The following USP37 variants were observed in gnomAD, a reference collection of about 807,000 sequenced individuals.
The protein encoded by USP37 is ubiquitin carboxyl-terminal hydrolase 37.
A neutral mutation model predicts 124.0 loss-of-function variants in USP37; 27 were observed. The ratio of observed to expected loss-of-function variants is 0.22; its 90% confidence interval spans 0.16 to 0.30. The LOEUF (loss-of-function observed/expected upper bound fraction) is 0.30. Among genes scored for constraint, USP37 ranks in the 10% least tolerant of loss-of-function variants. The probability of loss-of-function intolerance (pLI) is 1.00; values close to 1 mark genes in which losing one functional copy is unlikely to be tolerated. For missense variants in USP37, 889 were observed against 1,140.4 expected, an observed-to-expected ratio of 0.78 and a Z score of 3.17; for synonymous variants, 365 against 388.0, an observed-to-expected ratio of 0.94 and a Z score of 0.70.
chr2:218,478,283 A>G (rs1691080448), intron 18 of USP37, among the ~76,000 whole-genome samples: 1 of 152,172 alleles, frequency 6.6e-6, no homozygotes, highest in Non-Finnish European at 1.5e-5. Context: ...CATGTGCTCA[A>G]AAGGGTTTTT....
At chr2:218,515,232 T>C (rs1384251246) in intron 10 of USP37, among the ~76,000 whole-genome samples, 1 of 152,098 alleles carries the variant, frequency 6.6e-6, no homozygotes, top group East Asian at 1.9e-4. Flanking sequence ...AGAGCCCGTA[T>C]AGCCAAGACA....
intron 20 of USP37, among the ~76,000 whole-genome samples, chr2:218,467,865 G>C (rs988377143): frequency 6.6e-6 from 1 of 151,422 alleles, no homozygotes; most frequent in Non-Finnish European, 1.5e-5. Context: ...TGAATTGTTA[G>C]AGCAATAACA....
intron 14 of USP37, 108 bp downstream of exon 14, chr2:218,495,652 T>C (rs1186489640): frequency 7.1e-6 from 9 of 1,259,958 alleles, no homozygotes; most frequent in Non-Finnish European, 9.7e-6. Flanking sequence ...TGTGAGACCC[T>C]GTCTTAAAAA....
chr2:218,564,304 A>C (rs1342231264), intron 1 of USP37, among the ~76,000 whole-genome samples: 2 of 152,230 alleles, frequency 1.3e-5, no homozygotes, highest in African/African-American at 4.8e-5. Context: ...AATGCCATAC[A>C]TGCATTATCT....
intron 10 of USP37, among the ~76,000 whole-genome samples, chr2:218,518,340 T>C (rs1488754102): frequency 6.6e-6 from 1 of 152,206 alleles, no homozygotes; most frequent in East Asian, 1.9e-4. Flanking sequence ...TATTGTTCTT[T>C]TATAATCACT....
intron 19 of USP37, among the ~76,000 whole-genome samples, chr2:218,475,510 A>C (rs1354352537): frequency 2.0e-5 from 3 of 152,070 alleles, no homozygotes; most frequent in African/African-American, 7.2e-5. Flanking sequence ...CGAGGCCAGC[A>C]GATCACTTGA....
At chr2:218,553,196 T>G (rs922858437) in intron 5 of USP37, among the ~76,000 whole-genome samples, 2 of 152,238 alleles carry the variant, frequency 1.3e-5, no homozygotes, top group Non-Finnish European at 2.9e-5. Flanking sequence ...TTTTCACCCC[T>G]AAGTACGATG....
intron 21 of USP37, among the ~76,000 whole-genome samples, chr2:218,464,816 C>G (rs1204113186): frequency 6.6e-6 from 1 of 152,192 alleles, no homozygotes. Flanking sequence ...GGGCAAATAG[C>G]TCATGCCTAT....
intron 11 of USP37, 97 bp from the exon 12 acceptor site, chr2:218,498,254 T>G: frequency 7.6e-7 from 1 of 1,312,148 alleles, no homozygotes; most frequent in Non-Finnish European, 1.0e-6. Flanking sequence ...CAGAATCACC[T>G]GGAGGGCTTG....
At position 218,547,180 on chromosome 2, in the gene USP37, A is replaced by G. The variant is rs1419800744; in HGVS notation, c.430-89T>C. On this transcript the variant is annotated intron_variant, in intron 6 of 25. Coordinates refer to ENST00000258399, the MANE Select transcript of USP37 (RefSeq NM_020935.3). ...ATTCTCCAATGGAAAGGTTTAAAAA[A>G]TACAAATGGAGCCAGGTGCGATGGC... is the stretch of plus-strand genomic sequence containing the variant. 2.2e-5 allele frequency: 31 copies of G among 1,402,912 alleles called. No homozygotes were observed. In the East Asian group the frequency reaches 7.0e-4, roughly 32 times the overall value. 86.9% of individuals were successfully genotyped at this position (1,402,912 alleles called of 1,614,324 possible).
At chr2:218,524,253 G>C (rs1182545086) in intron 10 of USP37, among the ~76,000 whole-genome samples, 1 of 152,054 alleles carries the variant, frequency 6.6e-6, no homozygotes, top group Non-Finnish European at 1.5e-5. Flanking sequence ...TAAATTCCTA[G>C]ATTAGTTATG....
At chr2:218,551,424 G>A (rs959317846) in intron 5 of USP37, among the ~76,000 whole-genome samples, 1 of 152,158 alleles carries the variant, frequency 6.6e-6, no homozygotes, top group Non-Finnish European at 1.5e-5. Context: ...TTACATTTAC[G>A]AGCTCTCATT....
chr2:218,504,204 A>G (rs1421999003), intron 11 of USP37, among the ~76,000 whole-genome samples: 4 of 152,220 alleles, frequency 2.6e-5, no homozygotes, highest in Non-Finnish European at 5.9e-5. Flanking sequence ...TTCTGACCTA[A>G]GTTCTACTTT....
Position 218,537,580 on chromosome 2 carries a change from G to T in USP37, c.681-2874C>A, listed in dbSNP as rs1052428387. On this transcript the variant is annotated intron_variant, in intron 8 of 25. Transcript: ENST00000258399. ...TGACCATAAATTCATAAGCAAAAAT[G>T]AATAGTTACTATTTCAAGTCACTAA... is the stretch of plus-strand genomic sequence containing the variant. 6.6e-5 allele frequency among the ~76,000 whole-genome samples: 10 copies of T among 152,198 alleles called. 1 individual carries two copies. In the South Asian group the frequency reaches 2.1e-3, roughly 31 times the overall value.
chr2:218,506,581 G>T (rs1458140274), intron 11 of USP37, among the ~76,000 whole-genome samples: 1 of 150,014 alleles, frequency 6.7e-6, no homozygotes, highest in African/African-American at 2.4e-5. Flanking sequence ...CACCACGCCC[G>T]GCCCTTTCTG....
chr2:218,456,969 C>CAAA, intron 24 of USP37, 123 bp downstream of exon 24: 1 of 826,976 alleles, frequency 1.2e-6, no homozygotes, highest in Non-Finnish European at 1.7e-6. Flanking sequence ...GACTGGATCT[C>CAAA]AAAAAAAAAA....
At chr2:218,469,913 C>T (rs642950) in intron 20 of USP37, among the ~76,000 whole-genome samples, 90,524 of 149,600 alleles carry the variant, frequency 0.61, 27,538 homozygotes, top group East Asian at 0.78. Context: ...CTCTGCCTCC[C>T]GGGTTCTTGC....
At chr2:218,488,175 CAAAAAAAAA>C (rs66581703) in intron 15 of USP37, 120 bp downstream of exon 15, 46 of 349,856 alleles carry the variant, frequency 1.3e-4, no homozygotes, top group East Asian at 3.6e-4. Flanking sequence ...GACCCTGTCT[CAAAAAAAAA>C]AAAAAAAAAA....
At position 218,544,424 on chromosome 2, in the gene USP37, T is replaced by TAG. The variant is rs763870747; in HGVS notation, c.680+1796_680+1797insCT. Among the ~76,000 whole-genome samples the TAG allele has an allele frequency of 6.1e-3, 347 of 57,118 alleles. 3 individuals carry two copies. The highest frequency in any genetic ancestry group is 0.01 in the Middle Eastern group (1 of 96). The allele number at this position is 57,118 out of a possible 152,430, so 37.5% of individuals were successfully genotyped here. A position where few individuals can be genotyped will look rare whatever the true frequency, so the allele number is the denominator to read the frequency against. On this transcript the variant is annotated intron_variant, in intron 8 of 25. Coordinates refer to ENST00000258399, the MANE Select transcript of USP37 (RefSeq NM_020935.3). ...AAAAAAAAATATATATATATATATATATATATAGAGAGAGAGAGAGAGAGA... is the reference window on the plus strand; with the variant it reads ...AAAAAAAAATATATATATATATATATAGATATATAGAGAGAGAGAGAGAGAGA...
Sources: allele counts gnomAD v4.1 joint callset (sites outside exome capture counted in the v4.1 genomes callset), GRCh38; gene constraint gnomAD v4.1.1; transcripts MANE v1.5; gene names NCBI Gene and HGNC (gene_info 2026-07-23, HGNC 2026-07-21).